The following TBC1D19 variants were observed in gnomAD, a reference collection of about 807,000 sequenced individuals.
TBC1D19 encodes the protein TBC1 domain family member 19, also known as TBC1 domain family, member 19.
In TBC1D19, 60 loss-of-function variants were observed where a neutral mutation model predicts 89.0. The ratio of observed to expected loss-of-function variants is 0.67; its 90% confidence interval spans 0.55 to 0.84. The LOEUF (loss-of-function observed/expected upper bound fraction) is 0.84, where lower values mean the gene tolerates loss of function less well. TBC1D19 is among the 40% of genes least tolerant of loss of function. The pLI is 0.00. For synonymous variants in TBC1D19, 189 were observed against 199.7 expected, an observed-to-expected ratio of 0.95 and a Z score of 0.45; for missense variants, 500 against 610.8, an observed-to-expected ratio of 0.82 and a Z score of 1.91.
chr4:26,740,708 T>C, intron 17 of TBC1D19: 1 of 985,412 alleles, frequency 1.0e-6, no homozygotes, highest in Non-Finnish European at 1.2e-6. Flanking sequence ...TTGGACCTGC[T>C]GTGGGTAACA....
chr4:26,810,908 T>C, the TBC1D19 span, among the ~76,000 whole-genome samples: 2 of 152,238 alleles, frequency 1.3e-5, no homozygotes, highest in Non-Finnish European at 2.9e-5. Flanking sequence ...AGTAAGTGAG[T>C]AGTGTAAATT....
At chr4:26,622,928 T>C (rs1380950839) in intron 4 of TBC1D19, among the ~76,000 whole-genome samples, 4 of 152,110 alleles carry the variant, frequency 2.6e-5, no homozygotes, top group African/African-American at 9.7e-5. Context: ...GCATCTAGCA[T>C]AGTACCCAGC....
At position 26,683,674 on chromosome 4, in the gene TBC1D19, G is replaced by T; in HGVS notation, c.817-1G>T. Reference sequence around the variant, plus strand: ...TTTTTTTGTTTTACTTTTAAATTTAGGATGTCTTGTATTATGAGCAGCTTA... The same window carrying T: ...TTTTTTTGTTTTACTTTTAAATTTATGATGTCTTGTATTATGAGCAGCTTA... On this transcript the variant is annotated splice_acceptor_variant, in intron 11 of 20. Transcript: ENST00000264866. LOFTEE classifies it high-confidence loss of function. 6.2e-7 allele frequency: 1 copy of T among 1,607,364 alleles called. No homozygotes were observed.
chr4:26,733,385 A>G (rs547326320), intron 15 of TBC1D19, among the ~76,000 whole-genome samples: 6 of 152,294 alleles, frequency 3.9e-5, no homozygotes, highest in Admixed American at 1.3e-4. Context: ...TAATCATATT[A>G]TGTGAGTTCT....
chr4:26,788,905 T>C, the TBC1D19 span, among the ~76,000 whole-genome samples: 14 of 152,322 alleles, frequency 9.2e-5, no homozygotes, highest in Admixed American at 3.9e-4. Flanking sequence ...GCTACTGGCC[T>C]TCTTGGCTGA....
At chr4:26,584,515 C>T (rs771416229) in intron 1 of TBC1D19, among the ~76,000 whole-genome samples, 3 of 152,202 alleles carry the variant, frequency 2.0e-5, no homozygotes, top group Non-Finnish European at 4.4e-5. Flanking sequence ...GCCTCAGCCC[C>T]AGGCGTGGTT....
At chr4:26,807,817 C>G in the TBC1D19 span, among the ~76,000 whole-genome samples, 171 of 152,328 alleles carry the variant, frequency 1.1e-3, 1 homozygote, top group Non-Finnish European at 2.8e-4. Flanking sequence ...CAGACATAAT[C>G]ATTACAGTTG....
the TBC1D19 span, among the ~76,000 whole-genome samples, chr4:26,786,532 G>A: frequency 6.6e-6 from 1 of 152,160 alleles, no homozygotes; most frequent in Non-Finnish European, 1.5e-5. Context: ...TACTCGAGAG[G>A]CTGAGGCAGT....
chr4:26,785,259 C>CA, the TBC1D19 span, among the ~76,000 whole-genome samples: 1 of 152,156 alleles, frequency 6.6e-6, no homozygotes, highest in Admixed American at 6.5e-5. Flanking sequence ...GATAGCCTAA[C>CA]ATTTCTCCCA....
At chr4:26,731,736 A>G (rs1412981107) in intron 15 of TBC1D19, among the ~76,000 whole-genome samples, 1 of 152,174 alleles carries the variant, frequency 6.6e-6, no homozygotes, top group Non-Finnish European at 1.5e-5. Context: ...CTGTGGGACA[A>G]GAAGCCCGAT....
intron 7 of TBC1D19, among the ~76,000 whole-genome samples, chr4:26,655,327 A>T (rs536617371): frequency 3.9e-5 from 6 of 152,210 alleles, no homozygotes; most frequent in African/African-American, 1.4e-4. Flanking sequence ...TCAGGGACCC[A>T]CTTGAGGAGG....
the TBC1D19 span, among the ~76,000 whole-genome samples, chr4:26,784,238 A>C: frequency 2.0e-5 from 3 of 152,170 alleles, no homozygotes; most frequent in African/African-American, 7.2e-5. Context: ...GGCTATGGTG[A>C]CTGACAGCAT....
chr4:26,835,864 C>T, the TBC1D19 span, among the ~76,000 whole-genome samples: 1 of 152,046 alleles, frequency 6.6e-6, no homozygotes, highest in East Asian at 1.9e-4. Flanking sequence ...TCTGTGATGC[C>T]TATTTTCTTC....
intron 15 of TBC1D19, among the ~76,000 whole-genome samples, chr4:26,721,465 T>A (rs1195825888): frequency 6.6e-6 from 1 of 152,070 alleles, no homozygotes; most frequent in Non-Finnish European, 1.5e-5. Flanking sequence ...TTCCACACCA[T>A]CCCCGCTGCC....
At chr4:26,774,680 C>A in the TBC1D19 span, among the ~76,000 whole-genome samples, 4 of 152,086 alleles carry the variant, frequency 2.6e-5, no homozygotes, top group Non-Finnish European at 5.9e-5. Flanking sequence ...CTTATTAGTT[C>A]TAGTAGATTT....
the TBC1D19 span, among the ~76,000 whole-genome samples, chr4:26,783,755 C>T: frequency 3.0e-3 from 449 of 152,172 alleles, 5 homozygotes; most frequent in African/African-American, 0.01. Flanking sequence ...GGGGATGAAT[C>T]AGTTGAGAAG....
At chr4:26,674,737 C>T (rs946925130) in intron 11 of TBC1D19, among the ~76,000 whole-genome samples, 10 of 151,878 alleles carry the variant, frequency 6.6e-5, no homozygotes, top group South Asian at 4.2e-4. Context: ...AATGAAATAA[C>T]GTACATGTAC....
intron 1 of TBC1D19, among the ~76,000 whole-genome samples, chr4:26,600,092 T>C (rs190489414): frequency 6.6e-6 from 1 of 152,336 alleles, no homozygotes; most frequent in Admixed American, 6.5e-5. Context: ...ACCCCAAATG[T>C]TATTTTCATT....
In TBC1D19 at chr4:26,618,279, G is replaced by A. The variant is rs192724961; in HGVS notation, c.219-2334G>A. 2.2e-4 allele frequency among the ~76,000 whole-genome samples: 34 copies of A among 152,274 alleles called. No homozygotes were observed. In the East Asian group the frequency reaches 4.8e-3, roughly 22 times the overall value. On this transcript the variant is annotated intron_variant, in intron 3 of 20. Transcript: ENST00000264866. ...GGAAATACAAGGAACACGTAAGGCCGGCATTTAACTTAGATTTGGGGATGT... is the reference window on the plus strand; with the variant it reads ...GGAAATACAAGGAACACGTAAGGCCAGCATTTAACTTAGATTTGGGGATGT...
Sources: gnomAD v4.1 joint callset for allele counts (sites outside exome capture counted in the v4.1 genomes callset) on GRCh38, gnomAD v4.1.1 for gene constraint, MANE v1.5 for transcripts, NCBI Gene and HGNC (gene_info 2026-07-23, HGNC 2026-07-21) for gene names.